The following AR variants were observed in gnomAD, a reference collection of about 807,000 sequenced individuals.
AR encodes dihydrotestosterone receptor.
In AR, 8 loss-of-function variants were observed where a neutral mutation model predicts 53.9. That is an observed-to-expected ratio of 0.15 (90% CI 0.09 to 0.27). The LOEUF is 0.27. Among genes scored for constraint, AR ranks in the 10% least tolerant of loss-of-function variants. AR has a pLI of 1.00. For synonymous variants in AR, 359 were observed against 316.4 expected, an observed-to-expected ratio of 1.13 and a Z score of -1.43; for missense variants, 639 against 742.5, an observed-to-expected ratio of 0.86 and a Z score of 1.62.
intron 2 of AR, among the ~76,000 whole-genome samples, chrX:67,674,950 A>C: frequency 9.0e-6 from 1 of 111,216 alleles, no homozygotes; most frequent in Non-Finnish European, 1.9e-5. Flanking sequence ...ACTCCTGGCA[A>C]GTACTGCCTG....
chrX:67,641,846 G>A (rs968537066), intron 1 of AR, among the ~76,000 whole-genome samples: 4 of 94,597 alleles, frequency 4.2e-5, no homozygotes, highest in Admixed American at 1.4e-4. Context: ...GTTGAGGGGA[G>A]GATAACCTTT....
At chrX:67,716,712 G>A (rs2076114987) in intron 4 of AR, among the ~76,000 whole-genome samples, 1 of 111,827 alleles carries the variant, frequency 8.9e-6, no homozygotes, top group Non-Finnish European at 1.9e-5. Context: ...GGCAGTGGCT[G>A]TCAAGACATC....
intron 1 of AR, among the ~76,000 whole-genome samples, chrX:67,547,678 C>T (rs1929821318): frequency 1.8e-5 from 2 of 111,941 alleles, no homozygotes; most frequent in Non-Finnish European, 3.8e-5. Context: ...TAAAGCATTT[C>T]CTGCTATTTC....
intron 2 of AR, among the ~76,000 whole-genome samples, chrX:67,660,846 G>T (rs1300345330): frequency 2.7e-5 from 3 of 111,776 alleles, no homozygotes; most frequent in Non-Finnish European, 5.6e-5. Context: ...CTACCCATGA[G>T]CATGGAATGT....
intron 1 of AR, among the ~76,000 whole-genome samples, chrX:67,626,436 C>CTTTTTT (rs1233324601): frequency 1.2e-3 from 56 of 46,804 alleles, no homozygotes; most frequent in Non-Finnish European, 1.3e-3. Context: ...CAGGCTCTCT[C>CTTTTTT]TTTTTTTTTT....
chrX:67,644,902 C>T (rs984590468), intron 2 of AR, among the ~76,000 whole-genome samples: 1 of 111,365 alleles, frequency 9.0e-6, no homozygotes, highest in Non-Finnish European at 1.9e-5. Context: ...CCTAAAGAGC[C>T]TGAGAGCAGT....
At chrX:67,707,576 G>C (rs5919412) in intron 3 of AR, among the ~76,000 whole-genome samples, 2 of 110,364 alleles carry the variant, frequency 1.8e-5, no homozygotes, top group Non-Finnish European at 3.8e-5. Context: ...ACACTGATGG[G>C]TCTTGACTCT....
In AR at chrX:67,545,135, C is replaced by T. The variant is rs2147313626; in HGVS notation, c.-12C>T. ...TAAGGGAAGTAGGTGGAAGATTCAG[C>T]CAAGCTCAAGGATGGAAGTGCAGTT... On this transcript the variant is annotated 5_prime_UTR_variant, in exon 1 of 8. Coordinates refer to ENST00000374690, the MANE Select transcript of AR (RefSeq NM_000044.6). 8.4e-7 allele frequency: 1 copy of T among 1,195,580 alleles called. No individual in the cohort carries two copies. The highest frequency in any genetic ancestry group is 1.8e-5 in the South Asian group (1 of 54,126).
At chrX:67,640,731 G>T in intron 1 of AR, among the ~76,000 whole-genome samples, 1 of 109,824 alleles carries the variant, frequency 9.1e-6, no homozygotes, top group South Asian at 3.9e-4. Context: ...TCTGGCTAGT[G>T]GTCTATCTAC....
rs2076161029 is a variant in AR, at chrX:67,727,163, G to A, written c.*3322G>A. ...GAGTTGTTGGATTCTTTGTTTCATA[G>A]CTTTTTCTATGCCATAGGCAATATT... On this transcript the variant is annotated 3_prime_UTR_variant, in exon 8 of 8. Transcript: ENST00000374690. The A allele has an allele frequency of 5.9e-6, 1 of 169,693 alleles. No individual in the cohort carries two copies. Among genetic ancestry groups the A allele is most frequent in the African/African-American group, 3.0e-5 (1 of 33,799 alleles). The allele number at this position is 169,693 out of a possible 1,213,427, so 14.0% of individuals were successfully genotyped here. A position where few individuals can be genotyped will look rare whatever the true frequency, so the allele number is the denominator to read the frequency against.
At chrX:67,576,755 C>T (rs975919261) in intron 1 of AR, among the ~76,000 whole-genome samples, 1 of 110,550 alleles carries the variant, frequency 9.0e-6, no homozygotes, top group African/African-American at 3.3e-5. Flanking sequence ...GTAGATGTAC[C>T]AGAGCAGGAT....
At chrX:67,613,395 C>T (rs1169584462) in intron 1 of AR, among the ~76,000 whole-genome samples, 1 of 111,067 alleles carries the variant, frequency 9.0e-6, no homozygotes, top group Non-Finnish European at 1.9e-5. Context: ...AAGTTCATGC[C>T]TAAGGGCACT....
chrX:67,707,457 G>A (rs1384185447), intron 3 of AR, among the ~76,000 whole-genome samples: 6 of 111,215 alleles, frequency 5.4e-5, no homozygotes, highest in Admixed American at 1.9e-4. Flanking sequence ...GACTAGCATT[G>A]CAATCCCTGC....
At chrX:67,569,398 C>T (rs1569271507) in intron 1 of AR, among the ~76,000 whole-genome samples, 1 of 111,143 alleles carries the variant, frequency 9.0e-6, no homozygotes, top group Non-Finnish European at 1.9e-5. Context: ...GGTTTCTGCA[C>T]ATGTGTTGTG....
At chrX:67,648,060 A>G (rs1926139278) in intron 2 of AR, among the ~76,000 whole-genome samples, 1 of 112,055 alleles carries the variant, frequency 8.9e-6, no homozygotes, top group African/African-American at 3.2e-5. Context: ...TTCTGTACTT[A>G]TAAATCTGCA....
chrX:67,561,681 T>C (rs1251652906), intron 1 of AR, among the ~76,000 whole-genome samples: 1 of 110,623 alleles, frequency 9.0e-6, no homozygotes, highest in Non-Finnish European at 1.9e-5. Context: ...AATAAAGGAG[T>C]TGATTGTCTT....
At chrX:67,697,206 T>C (rs937845704) in intron 3 of AR, among the ~76,000 whole-genome samples, 1 of 111,866 alleles carries the variant, frequency 8.9e-6, no homozygotes, top group African/African-American at 3.2e-5. Context: ...ATAGGACTTA[T>C]AGGACTGTTG....
chrX:67,637,925 A>C (rs1445432167), intron 1 of AR, among the ~76,000 whole-genome samples: 1 of 110,710 alleles, frequency 9.0e-6, no homozygotes, highest in Non-Finnish European at 1.9e-5. Context: ...GGCTGCACCT[A>C]TCAACCTGTC....
At chrX:67,548,777 G>C (rs1014545818) in intron 1 of AR, among the ~76,000 whole-genome samples, 1 of 112,152 alleles carries the variant, frequency 8.9e-6, no homozygotes. Context: ...AATGAAAAAA[G>C]CTTCTTTATG....
Sources: allele counts gnomAD v4.1 joint callset (sites outside exome capture counted in the v4.1 genomes callset), GRCh38; gene constraint gnomAD v4.1.1; transcripts MANE v1.5; gene names NCBI Gene and HGNC (gene_info 2026-07-23, HGNC 2026-07-21).